The following TRPC7 variants were observed in gnomAD, a reference collection of about 807,000 sequenced individuals.
TRPC7 encodes transient receptor potential cation channel subfamily C member 7.
Under a neutral mutation model 90.1 loss-of-function variants are expected in TRPC7, and 42 were observed. The ratio of observed to expected loss-of-function variants is 0.47; its 90% confidence interval spans 0.36 to 0.60. The LOEUF is 0.60. TRPC7 is among the 20% of genes least tolerant of loss of function. The probability of loss-of-function intolerance (pLI) is 0.00; values close to 1 mark genes in which losing one functional copy is unlikely to be tolerated. For synonymous variants in TRPC7, 451 were observed against 436.3 expected (o/e 1.03, Z -0.42); for missense variants, 955 against 1,112.3 (o/e 0.86, Z 2.01).
intron 8 of TRPC7, 168 bp from the exon 9 acceptor site, chr5:136,226,423 A>T: frequency 1.6e-6 from 1 of 609,168 alleles, no homozygotes; most frequent in Non-Finnish European, 2.9e-6. Flanking sequence ...TGCTCTCACT[A>T]AAACCATGCA....
chr5:136,218,933 C>T (rs1384457081), intron 10 of TRPC7, among the ~76,000 whole-genome samples: 1 of 152,182 alleles, frequency 6.6e-6, no homozygotes, highest in Non-Finnish European at 1.5e-5. Context: ...TGTAACTTCT[C>T]CAAGGTCACA....
intron 10 of TRPC7, among the ~76,000 whole-genome samples, chr5:136,224,123 T>C (rs1755550795): frequency 6.6e-6 from 1 of 152,146 alleles, no homozygotes; most frequent in Non-Finnish European, 1.5e-5. Context: ...TGTGGGAAGG[T>C]GGCACCAGGG....
intron 3 of TRPC7, among the ~76,000 whole-genome samples, chr5:136,310,247 A>C (rs1758782443): frequency 6.6e-6 from 1 of 152,188 alleles, no homozygotes; most frequent in Non-Finnish European, 1.5e-5. Context: ...CTGAAGTTCC[A>C]GGGTTTTGTT....
chr5:136,346,863 C>T (rs908745542), intron 2 of TRPC7, among the ~76,000 whole-genome samples: 8 of 152,138 alleles, frequency 5.3e-5, no homozygotes, highest in African/African-American at 1.9e-4. Flanking sequence ...CATGTCCTTC[C>T]TGGTACCTCA....
At chr5:136,286,200 TC>T (rs1480152448) in intron 3 of TRPC7, among the ~76,000 whole-genome samples, 1 of 152,164 alleles carries the variant, frequency 6.6e-6, no homozygotes. Flanking sequence ...CACTCCTCTC[TC>T]CTCCTGAGGT....
At chr5:136,218,128 AATAT>A (rs955662593) in intron 10 of TRPC7, among the ~76,000 whole-genome samples, 2 of 146,446 alleles carry the variant, frequency 1.4e-5, no homozygotes, top group Non-Finnish European at 3.0e-5. Flanking sequence ...TTATATATAA[AATAT>A]ATAATATATA....
chr5:136,236,573 GC>G (rs1755988947), intron 7 of TRPC7, among the ~76,000 whole-genome samples: 1 of 152,134 alleles, frequency 6.6e-6, no homozygotes, highest in Non-Finnish European at 1.5e-5. Context: ...TGTTGAATAG[GC>G]CACGATTCAC....
At chr5:136,252,222 T>C (rs1435387199) in intron 5 of TRPC7, among the ~76,000 whole-genome samples, 1 of 152,118 alleles carries the variant, frequency 6.6e-6, no homozygotes, top group African/African-American at 2.4e-5. Flanking sequence ...AGTCCTAAAT[T>C]AAATATAGGG....
At chr5:136,315,837 C>T (rs988362666) in intron 2 of TRPC7, 58 bp from the exon 3 acceptor site, 1 of 1,543,700 alleles carries the variant, frequency 6.5e-7, no homozygotes, top group African/African-American at 1.4e-5. Context: ...GATTGGCTTG[C>T]CCAGCATAGC....
At chr5:136,309,449 T>C (rs907161880) in intron 3 of TRPC7, among the ~76,000 whole-genome samples, 1 of 152,214 alleles carries the variant, frequency 6.6e-6, no homozygotes, top group African/African-American at 2.4e-5. Context: ...TTTTTCCTGT[T>C]GACAGAGAAG....
At chr5:136,312,534 T>C (rs573783722) in intron 3 of TRPC7, among the ~76,000 whole-genome samples, 13 of 152,292 alleles carry the variant, frequency 8.5e-5, no homozygotes, top group African/African-American at 3.1e-4. Flanking sequence ...CATATGTCCA[T>C]TCTGCAAATG....
At chr5:136,288,120 A>G (rs1757793073) in intron 3 of TRPC7, among the ~76,000 whole-genome samples, 1 of 151,930 alleles carries the variant, frequency 6.6e-6, no homozygotes, top group Non-Finnish European at 1.5e-5. Context: ...TTTTTTTTAC[A>G]AAGGAAGAAA....
chr5:136,325,765 C>T (rs533123802), intron 2 of TRPC7, among the ~76,000 whole-genome samples: 1 of 151,798 alleles, frequency 6.6e-6, no homozygotes, highest in Admixed American at 6.7e-5. Flanking sequence ...CAGGGAATCT[C>T]AGGCCAATTT....
intron 8 of TRPC7, among the ~76,000 whole-genome samples, chr5:136,230,651 T>G (rs1260185869): frequency 6.6e-6 from 1 of 152,256 alleles, no homozygotes; most frequent in Non-Finnish European, 1.5e-5. Flanking sequence ...GTTTTTAATT[T>G]CTTGCTGTTC....
chr5:136,364,002 A>C (rs1010794709), intron 1 of TRPC7, among the ~76,000 whole-genome samples: 1 of 152,204 alleles, frequency 6.6e-6, no homozygotes, highest in African/African-American at 2.4e-5. Flanking sequence ...TGATGATTTC[A>C]CTGACCTCTA....
chr5:136,249,743 G>T (rs1302887666), intron 6 of TRPC7, among the ~76,000 whole-genome samples: 2 of 152,148 alleles, frequency 1.3e-5, no homozygotes, highest in Admixed American at 6.5e-5. Flanking sequence ...TGGACAAAGG[G>T]GTTTTCTCCT....
chr5:136,222,638 C>T (rs531575597), intron 10 of TRPC7, among the ~76,000 whole-genome samples: 1 of 152,352 alleles, frequency 6.6e-6, no homozygotes, highest in South Asian at 2.1e-4. Context: ...CTCCTTGCCT[C>T]CTCACTGTGT....
rs778137925 is a variant in TRPC7 at position 136,247,693 on chromosome 5, T to C, written c.1622A>G (p.Glu541Gly). 6.2e-7 allele frequency: 1 copy of C among 1,613,926 alleles called. No individual in the cohort carries two copies. Among genetic ancestry groups the C allele is most frequent in the East Asian group, 2.2e-5 (1 of 44,876 alleles). ...CACGACGGCTATCGCGTAGAGCCCT[T>C]CCGATATGATCTGAGGGTCTGAAGG... ...WWPSDPQIIS[E>G]GLYAIAVVLS... Residue 541 changes from glutamate (E) to glycine (G), a missense_variant, in exon 7 of 12, where the codon GAA (glutamate) becomes GGA (glycine). Around this residue, in one of 4 missense-constraint regions of TRPC7, gnomAD observed 296 missense variants for 422.7 expected, o/e 0.70. Transcript: ENST00000513104. The surrounding 1 kb of genome is among the most constrained non-coding windows in gnomAD (Gnocchi z 4.2).
chr5:136,364,608 T>C (rs1339552870), intron 1 of TRPC7, among the ~76,000 whole-genome samples: 2 of 152,160 alleles, frequency 1.3e-5, no homozygotes, highest in African/African-American at 4.8e-5. Context: ...TTAATAGCAA[T>C]AGCATTTTGG....
Sources: allele counts gnomAD v4.1 joint callset (sites outside exome capture counted in the v4.1 genomes callset), GRCh38; gene constraint gnomAD v4.1.1; regional missense constraint gnomAD v4.1.1; non-coding constraint Gnocchi (gnomAD v3.1); transcripts MANE v1.5; gene names NCBI Gene and HGNC (gene_info 2026-07-23, HGNC 2026-07-21).